The following TBC1D5 variants were observed in gnomAD, a reference collection of about 807,000 sequenced individuals.
The protein encoded by TBC1D5 is TBC1 domain family member 5.
A neutral mutation model predicts 100.3 loss-of-function variants in TBC1D5; 75 were observed. The observed-to-expected ratio is 0.75, with a 90% CI of 0.62 to 0.91. The LOEUF is 0.91. Ranked by LOEUF, TBC1D5 falls within the 40% of genes least tolerant of loss-of-function variation. TBC1D5 has a pLI of 0.00. For synonymous variants in TBC1D5, 323 were observed against 325.6 expected, an observed-to-expected ratio of 0.99 and a Z score of 0.09; for missense variants, 910 against 942.4, an observed-to-expected ratio of 0.97 and a Z score of 0.45.
At chr3:17,162,846 G>A (rs890675873) in intron 21 of TBC1D5, among the ~76,000 whole-genome samples, 2 of 152,198 alleles carry the variant, frequency 1.3e-5, no homozygotes, top group African/African-American at 4.8e-5. Flanking sequence ...AGGCCCTCAG[G>A]TTTGACTTCT....
chr3:17,386,079 C>T (rs1360492997), intron 8 of TBC1D5, among the ~76,000 whole-genome samples: 1 of 152,000 alleles, frequency 6.6e-6, no homozygotes, highest in Non-Finnish European at 1.5e-5. Flanking sequence ...AATAAAATAA[C>T]TTGGTATAGA....
intron 2 of TBC1D5, among the ~76,000 whole-genome samples, chr3:17,600,213 A>ATATGT (rs59063083): frequency 0.017 from 2,531 of 151,134 alleles, 37 homozygotes; most frequent in East Asian, 0.061. Context: ...GATTCATATA[A>ATATGT]TATGTTATGT....
At chr3:17,436,891 T>A (rs1322604327) in intron 3 of TBC1D5, among the ~76,000 whole-genome samples, 1 of 152,176 alleles carries the variant, frequency 6.6e-6, no homozygotes, top group East Asian at 1.9e-4. Context: ...CAGGGACTAA[T>A]TTCAAAGATA....
intron 13 of TBC1D5, among the ~76,000 whole-genome samples, chr3:17,365,551 T>C (rs2151946311): frequency 6.6e-6 from 1 of 152,330 alleles, no homozygotes; most frequent in Non-Finnish European, 1.5e-5. Flanking sequence ...CTATGGCTTA[T>C]TGTTTTAGCT....
At chr3:17,451,610 T>C (rs1379410172) in intron 3 of TBC1D5, among the ~76,000 whole-genome samples, 2 of 152,146 alleles carry the variant, frequency 1.3e-5, no homozygotes, top group African/African-American at 2.4e-5. Context: ...CTCAAGGATC[T>C]AGAACTAGAA....
intron 15 of TBC1D5, among the ~76,000 whole-genome samples, chr3:17,273,940 T>C (rs888919188): frequency 2.6e-5 from 4 of 151,786 alleles, no homozygotes; most frequent in Non-Finnish European, 4.4e-5. Flanking sequence ...GTTGATACTC[T>C]TTCTTAAAAG....
Position 17,372,189 on chromosome 3 carries a change from G to A in TBC1D5, c.881C>T (p.Thr294Ile), listed in dbSNP as rs769363423. The A allele has an allele frequency of 1.4e-5, 22 of 1,613,574 alleles. No individual in the cohort carries two copies. The highest frequency in any genetic ancestry group is 8.5e-7 in the Non-Finnish European group (1 of 1,179,742). ...GTTGACTTTAGTAACAATAGCAATT[G>A]TTGGCCCTAAATCTTGTGGTCTAGC... The change falls in exon 13 of 22, where the codon ACA (threonine) becomes ATA (isoleucine). Residue 294 changes from threonine to isoleucine, a missense_variant. Coordinates refer to ENST00000253692, the Ensembl canonical transcript of TBC1D5.
chr3:17,685,274 A>G (rs1180214641), intron 1 of TBC1D5, among the ~76,000 whole-genome samples: 3 of 152,094 alleles, frequency 2.0e-5, no homozygotes, highest in Non-Finnish European at 4.4e-5. Flanking sequence ...TTCAAGAACC[A>G]CAAAGAAAAA....
At chr3:17,275,870 C>G (rs943823577) in intron 15 of TBC1D5, among the ~76,000 whole-genome samples, 1 of 152,108 alleles carries the variant, frequency 6.6e-6, no homozygotes, top group Non-Finnish European at 1.5e-5. Flanking sequence ...TCCGGTTTCA[C>G]TAAACATGCC....
At chr3:17,194,685 T>A (rs1032088412) in intron 18 of TBC1D5, among the ~76,000 whole-genome samples, 7 of 152,250 alleles carry the variant, frequency 4.6e-5, no homozygotes, top group Admixed American at 3.9e-4. Context: ...CATCCCTGAT[T>A]TTCAGAAGAT....
intron 1 of TBC1D5, among the ~76,000 whole-genome samples, chr3:17,650,553 G>C (rs993620262): frequency 1.3e-5 from 2 of 151,952 alleles, no homozygotes; most frequent in African/African-American, 2.4e-5. Flanking sequence ...AAATTCATCA[G>C]ACAGAAGAGA....
At chr3:17,705,046 G>C in intron 1 of TBC1D5, among the ~76,000 whole-genome samples, 1 of 138,254 alleles carries the variant, frequency 7.2e-6, no homozygotes, top group Non-Finnish European at 1.6e-5. Context: ...TGGCCAGGCG[G>C]GGGGCTGACC....
chr3:17,244,962 A>G (rs2076607503), intron 16 of TBC1D5, among the ~76,000 whole-genome samples: 1 of 150,544 alleles, frequency 6.6e-6, no homozygotes, highest in Admixed American at 6.6e-5. Context: ...GAGGAAGGAC[A>G]ACTGTTTAAG....
chr3:17,730,424 G>A (rs1050658315), intron 1 of TBC1D5, among the ~76,000 whole-genome samples: 1 of 152,128 alleles, frequency 6.6e-6, no homozygotes, highest in Non-Finnish European at 1.5e-5. Context: ...TGAAATGCTT[G>A]TTCTTAGAGC....
intron 2 of TBC1D5, among the ~76,000 whole-genome samples, chr3:17,614,264 G>C (rs1209582307): frequency 6.6e-6 from 1 of 152,204 alleles, no homozygotes; most frequent in East Asian, 1.9e-4. Context: ...TTGGTACCAA[G>C]TACCATGCTG....
At chr3:17,601,590 T>C (rs1304661584) in intron 2 of TBC1D5, among the ~76,000 whole-genome samples, 1 of 152,136 alleles carries the variant, frequency 6.6e-6, no homozygotes, top group African/African-American at 2.4e-5. Context: ...CAATGCCTAA[T>C]GAGATTAATT....
chr3:17,294,134 T>C (rs1430506639), intron 14 of TBC1D5, among the ~76,000 whole-genome samples: 1 of 152,258 alleles, frequency 6.6e-6, no homozygotes, highest in Non-Finnish European at 1.5e-5. Context: ...TGAAGCAGTT[T>C]TAAGTATACT....
intron 2 of TBC1D5, among the ~76,000 whole-genome samples, chr3:17,555,623 T>C (rs540333967): frequency 6.6e-6 from 1 of 152,316 alleles, no homozygotes; most frequent in East Asian, 1.9e-4. Context: ...CTATTCAGAA[T>C]GTAAACTTCT....
chr3:17,460,356 C>T (rs1164839775), intron 3 of TBC1D5, among the ~76,000 whole-genome samples: 1 of 152,186 alleles, frequency 6.6e-6, no homozygotes, highest in Non-Finnish European at 1.5e-5. Flanking sequence ...CCTTCCACAT[C>T]TTTGGGGATG....
Sources: gnomAD v4.1 joint callset for allele counts (sites outside exome capture counted in the v4.1 genomes callset) on GRCh38, gnomAD v4.1.1 for gene constraint, MANE v1.5 for transcripts, NCBI Gene and HGNC (gene_info 2026-07-23, HGNC 2026-07-21) for gene names.